SYTL5: variants seen among roughly 807,000 people sequenced by gnomAD.
SYTL5 encodes the protein synaptotagmin-like protein 5.
In SYTL5, 34 loss-of-function variants were observed where a neutral mutation model predicts 55.9. That is an observed-to-expected ratio of 0.61 (90% CI 0.46 to 0.81). The LOEUF is 0.81. Ranked by LOEUF, SYTL5 falls within the 30% of genes least tolerant of loss-of-function variation. The pLI, the probability that SYTL5 is intolerant of heterozygous loss-of-function variation, is 0.00. For missense variants in SYTL5, 637 were observed against 546.7 expected, an observed-to-expected ratio of 1.17 and a Z score of -1.65; for synonymous variants, 221 against 188.7, an observed-to-expected ratio of 1.17 and a Z score of -1.40.
rs752687201 is a variant in SYTL5, at chrX:38,071,209, C to T, written c.330-838C>T. On this transcript the variant is annotated intron_variant, in intron 3 of 16. Coordinates refer to ENST00000297875, the MANE Select transcript of SYTL5 (RefSeq NM_138780.3). Reference sequence around the variant, plus strand: ...AGAGGGTAGAAATAATACTGAAGGACGCTATAAGTAATGGGAGAAGTACAG... The same window carrying T: ...AGAGGGTAGAAATAATACTGAAGGATGCTATAAGTAATGGGAGAAGTACAG... 1.3e-4 allele frequency among the ~76,000 whole-genome samples: 14 copies of T among 111,330 alleles called. No homozygotes were observed. In the East Asian group the frequency reaches 3.1e-3, roughly 25 times the overall value.
the SYTL5 span, among the ~76,000 whole-genome samples, chrX:37,903,487 G>A: frequency 9.8e-6 from 1 of 102,310 alleles, no homozygotes; most frequent in Non-Finnish European, 2.0e-5. Flanking sequence ...ACTCATAGGT[G>A]GGAATTGAAC....
chrX:38,033,721 G>A lies in SYTL5; in HGVS notation c.-169G>A, dbSNP rs1240865393. On this transcript the variant is annotated 5_prime_UTR_variant, in exon 2 of 17. Coordinates refer to ENST00000297875, the MANE Select transcript of SYTL5 (RefSeq NM_138780.3). ...GTGGAGGCTGTTCTACGTATAGCCT[G>A]AAAGAATACTTAACTACCATACGCA... The A allele has an allele frequency of 4.4e-5, 14 of 319,582 alleles. No individual in the cohort carries two copies. The East Asian group carries it at 6.1e-4, about 14-fold the overall frequency. The allele number at this position is 319,582 out of a possible 1,213,427, so 26.3% of individuals were successfully genotyped here.
chrX:38,014,407 C>T (rs1389818124), intron 1 of SYTL5, among the ~76,000 whole-genome samples: 2 of 112,165 alleles, frequency 1.8e-5, no homozygotes, highest in Non-Finnish European at 3.8e-5. Context: ...GTTTTCCTAC[C>T]TGTAATATGG....
intron 10 of SYTL5, among the ~76,000 whole-genome samples, chrX:38,102,748 A>G (rs1253101183): frequency 9.0e-6 from 1 of 111,445 alleles, no homozygotes; most frequent in East Asian, 2.8e-4. Flanking sequence ...CATTTCCCTG[A>G]CACCATTCTC....
chrX:38,073,669 G>T lies in SYTL5; in HGVS notation c.525G>T (p.Lys175Asn). The change falls in exon 5 of 17, where the codon AAG (lysine) becomes AAT (asparagine). Residue 175 changes from lysine to asparagine, a missense_variant. Physicochemically the swap from Lys to Asn is moderately conservative, Grantham distance 94. Coordinates refer to ENST00000297875, the MANE Select transcript of SYTL5 (RefSeq NM_138780.3). ...ACACTTCACCTGTTGCTGGGAAGAA[G>T]GCCAGCCATGATGGGCCCAAGAGAA... is the stretch of plus-strand genomic sequence containing the variant. ...KSDTSPVAGKKASHDGPKRKG... is the reference protein window; with the variant it reads ...KSDTSPVAGKNASHDGPKRKG... 1 of 1,198,127 alleles carries T rather than the reference G, an allele frequency of 8.3e-7. No individual in the cohort carries two copies.
intron 4 of SYTL5, 111 bp from the exon 5 acceptor site, chrX:38,073,479 A>C (rs1202653153): frequency 1.9e-6 from 1 of 534,450 alleles, no homozygotes; most frequent in East Asian, 3.7e-5. Context: ...GCCAATTATT[A>C]TAGACTTCCT....
chrX:38,052,506 A>T (rs1935650250), intron 2 of SYTL5, among the ~76,000 whole-genome samples: 2 of 112,113 alleles, frequency 1.8e-5, no homozygotes, highest in Admixed American at 1.9e-4. Context: ...TGAATCTATC[A>T]TCAGGCTGAG....
At chrX:38,087,108 G>A (rs1220571975) in intron 6 of SYTL5, among the ~76,000 whole-genome samples, 1 of 110,929 alleles carries the variant, frequency 9.0e-6, no homozygotes, top group African/African-American at 3.3e-5. Flanking sequence ...AGGACCTTCC[G>A]CACACACACA....
upstream of SYTL5, among the ~76,000 whole-genome samples, chrX:38,002,261 A>G (rs772214246): frequency 1.8e-5 from 2 of 112,156 alleles, no homozygotes; most frequent in African/African-American, 6.5e-5. Flanking sequence ...AATCCAGTCT[A>G]ACATTGTTGG....
chrX:37,892,356 T>A, the SYTL5 span, among the ~76,000 whole-genome samples: 1 of 106,407 alleles, frequency 9.4e-6, no homozygotes, highest in Non-Finnish European at 1.9e-5. Context: ...ATTTATTTAT[T>A]TATATATAAT....
intron 2 of SYTL5, among the ~76,000 whole-genome samples, chrX:38,047,932 A>G (rs893349035): frequency 9.0e-6 from 1 of 111,210 alleles, no homozygotes; most frequent in Admixed American, 9.5e-5. Context: ...CATGCCTGTA[A>G]TCCCAGCATT....
At chrX:37,991,010 C>T in the SYTL5 span, 20,467 of 1,210,142 alleles carry the variant, frequency 0.017, 182 homozygotes, top group South Asian at 0.062. Context: ...TTACCTTGCT[C>T]GATTGCCTTG....
intron 5 of SYTL5, among the ~76,000 whole-genome samples, chrX:38,074,155 A>G (rs1241206625): frequency 1.8e-5 from 2 of 112,085 alleles, no homozygotes; most frequent in African/African-American, 6.5e-5. Context: ...TAAGAAAAAA[A>G]GTCACATTTG....
intron 1 of SYTL5, among the ~76,000 whole-genome samples, chrX:38,024,652 C>T (rs2147157090): frequency 9.0e-6 from 1 of 111,441 alleles, no homozygotes; most frequent in South Asian, 3.8e-4. Flanking sequence ...CTTAACATCT[C>T]TGTGCCTCAG....
intron 1 of SYTL5, among the ~76,000 whole-genome samples, chrX:38,027,712 A>T (rs1202584912): frequency 8.9e-6 from 1 of 111,876 alleles, no homozygotes; most frequent in Non-Finnish European, 1.9e-5. Flanking sequence ...GGCTTTTTAA[A>T]TTGGCTTTGA....
At chrX:38,041,393 A>G (rs922317302) in intron 2 of SYTL5, among the ~76,000 whole-genome samples, 1 of 112,262 alleles carries the variant, frequency 8.9e-6, no homozygotes, top group African/African-American at 3.2e-5. Context: ...CCTTCTCAAA[A>G]GCCTAAAGAC....
chrX:37,959,213 G>A, the SYTL5 span, among the ~76,000 whole-genome samples: 15 of 111,747 alleles, frequency 1.3e-4, no homozygotes, highest in African/African-American at 4.9e-4. Flanking sequence ...CATTAGCTAT[G>A]GGGATCTGCC....
chrX:37,894,483 G>C, the SYTL5 span, among the ~76,000 whole-genome samples: 1,057 of 111,629 alleles, frequency 9.5e-3, 6 homozygotes, highest in Non-Finnish European at 0.015. Flanking sequence ...AGATACTACT[G>C]TTAAACTGGA....
chrX:38,020,040 G>A (rs761313131), intron 1 of SYTL5, among the ~76,000 whole-genome samples: 3 of 110,971 alleles, frequency 2.7e-5, no homozygotes, highest in African/African-American at 3.3e-5. Flanking sequence ...TCTTCAGACC[G>A]AACATGTCTT....
Sources: gnomAD v4.1 joint callset for allele counts (sites outside exome capture counted in the v4.1 genomes callset) on GRCh38, gnomAD v4.1.1 for gene constraint, MANE v1.5 for transcripts, NCBI Gene and HGNC (gene_info 2026-07-23, HGNC 2026-07-21) for gene names.